TBPL1: variants seen among roughly 807,000 people sequenced by gnomAD.
The protein encoded by TBPL1 is TATA box-binding protein-like 1.
Under a neutral mutation model 22.1 loss-of-function variants are expected in TBPL1, and 4 were observed. The observed-to-expected ratio is 0.18, with a 90% CI of 0.09 to 0.41. TBPL1 has a LOEUF of 0.41. Among genes scored for constraint, TBPL1 ranks in the 10% least tolerant of loss-of-function variants. TBPL1 has a pLI of 1.00. For synonymous variants in TBPL1, 64 were observed against 71.0 expected (o/e 0.90, Z 0.50); for missense variants, 115 against 222.3 (o/e 0.52, Z 3.07).
At chr6:133,986,739 C>T (rs1776532467) in intron 6 of TBPL1, among the ~76,000 whole-genome samples, 1 of 152,136 alleles carries the variant, frequency 6.6e-6, no homozygotes, top group Non-Finnish European at 1.5e-5. Context: ...AAGTGAATAA[C>T]CTCATTTTGT....
chr6:133,961,850 T>C (rs1355103385), intron 1 of TBPL1, among the ~76,000 whole-genome samples: 2 of 152,190 alleles, frequency 1.3e-5, no homozygotes, highest in Non-Finnish European at 2.9e-5. Context: ...TCTCGTTTCC[T>C]TTATAACATA....
At chr6:133,979,688 A>G (rs1238160663) in intron 1 of TBPL1, among the ~76,000 whole-genome samples, 1 of 152,216 alleles carries the variant, frequency 6.6e-6, no homozygotes, top group Non-Finnish European at 1.5e-5. Context: ...ACTCTGTCTC[A>G]CAGGCTGGAA....
intron 2 of TBPL1, among the ~76,000 whole-genome samples, chr6:133,981,063 C>T (rs1260103331): frequency 8.6e-5 from 13 of 150,540 alleles, no homozygotes; most frequent in African/African-American, 3.2e-4. Context: ...ACCTCTGCCT[C>T]CCAGGTTCAA....
At chr6:133,959,986 C>G (rs956324305) in intron 1 of TBPL1, among the ~76,000 whole-genome samples, 1 of 152,138 alleles carries the variant, frequency 6.6e-6, no homozygotes, top group African/African-American at 2.4e-5. Flanking sequence ...CAAGAACCAC[C>G]CCATCCTTTT....
At chr6:133,976,118 G>A (rs953851474) in intron 1 of TBPL1, among the ~76,000 whole-genome samples, 1 of 152,072 alleles carries the variant, frequency 6.6e-6, no homozygotes, top group African/African-American at 2.4e-5. Flanking sequence ...TTGTGTCAAA[G>A]GGCTTGTAGG....
In TBPL1 at chr6:133,989,461, A is replaced by G. The variant is rs1776588648; in HGVS notation, c.*2421A>G. 1 of 152,180 alleles carries G rather than the reference A, an allele frequency of 6.6e-6. No individual in the cohort carries two copies. The highest frequency in any genetic ancestry group is 6.5e-5 in the Admixed American group (1 of 15,272). The allele number at this position is 152,180 out of a possible 1,614,324, so 9.4% of individuals were successfully genotyped here. A position where few individuals can be genotyped will look rare whatever the true frequency, so the allele number is the denominator to read the frequency against. On this transcript the variant is annotated 3_prime_UTR_variant, in exon 7 of 7. Transcript: ENST00000237264. ...TTTATAATGAAGGGCTAAACAAAAA[A>G]TACCTGAAGTATATATAGAGTTTGA...
At chr6:133,986,608 G>C (rs1456764441) in intron 6 of TBPL1, among the ~76,000 whole-genome samples, 1 of 152,204 alleles carries the variant, frequency 6.6e-6, no homozygotes, top group African/African-American at 2.4e-5. Context: ...CCAGAAGCCA[G>C]ATGATAGTGA....
At chr6:133,971,727 G>C (rs1166970864) in intron 1 of TBPL1, among the ~76,000 whole-genome samples, 1 of 152,070 alleles carries the variant, frequency 6.6e-6, no homozygotes, top group East Asian at 1.9e-4. Flanking sequence ...CCATTGGTAT[G>C]TCTTCTTTTG....
At position 133,987,267 on chromosome 6, in the gene TBPL1, A is replaced by G. The variant is rs1776544500; in HGVS notation, c.*227A>G. The stretch of plus-strand genomic sequence containing the variant: ...TGCTGCTTTTACAAAAGGACATTCT[A>G]TTTATTTTCGCAGTAATTCTCATGT... On this transcript the variant is annotated 3_prime_UTR_variant, in exon 7 of 7. Transcript: ENST00000237264. 2 of 332,606 alleles carry G rather than the reference A, an allele frequency of 6.0e-6. No individual in the cohort carries two copies. Among genetic ancestry groups the G allele is most frequent in the Non-Finnish European group, 1.1e-5 (2 of 182,584 alleles). 20.6% of individuals were successfully genotyped at this position (332,606 alleles called of 1,614,324 possible).
chr6:133,983,826 C>T (rs1022378239), intron 4 of TBPL1, among the ~76,000 whole-genome samples: 1 of 152,174 alleles, frequency 6.6e-6, no homozygotes, highest in Non-Finnish European at 1.5e-5. Context: ...CTTAGTGTAA[C>T]ATTAGAAGTG....
At chr6:133,967,516 C>G (rs1043330343) in intron 1 of TBPL1, among the ~76,000 whole-genome samples, 1 of 152,116 alleles carries the variant, frequency 6.6e-6, no homozygotes, top group Non-Finnish European at 1.5e-5. Flanking sequence ...TTTGTCATCA[C>G]GTGAACATCA....
chr6:133,976,199 A>G (rs866414534), intron 1 of TBPL1, among the ~76,000 whole-genome samples: 3 of 152,332 alleles, frequency 2.0e-5, no homozygotes, highest in African/African-American at 7.2e-5. Context: ...AGCCTTGCTA[A>G]CAGTTTTTTT....
chr6:133,977,234 C>T (rs943738765), intron 1 of TBPL1, among the ~76,000 whole-genome samples: 2 of 151,978 alleles, frequency 1.3e-5, no homozygotes, highest in African/African-American at 4.8e-5. Flanking sequence ...TAATTGAAAA[C>T]TTCTTATTAA....
intron 1 of TBPL1, among the ~76,000 whole-genome samples, chr6:133,969,816 G>GT (rs1776187096): frequency 6.6e-6 from 1 of 152,234 alleles, no homozygotes; most frequent in Non-Finnish European, 1.5e-5. Flanking sequence ...TGAAGGGGAA[G>GT]TGGTGAGTTC....
chr6:133,963,756 C>T (rs571784649), intron 1 of TBPL1, among the ~76,000 whole-genome samples: 53 of 151,468 alleles, frequency 3.5e-4, no homozygotes, highest in East Asian at 1.0e-3. Context: ...ACCGGCCTGG[C>T]GCGGTGGCTC....
intron 1 of TBPL1, among the ~76,000 whole-genome samples, chr6:133,978,385 G>A (rs1021227893): frequency 2.0e-5 from 3 of 152,118 alleles, no homozygotes; most frequent in African/African-American, 7.2e-5. Context: ...TACAATATGA[G>A]AACACTGAGA....
intron 1 of TBPL1, among the ~76,000 whole-genome samples, chr6:133,963,182 G>A (rs1776053710): frequency 6.6e-6 from 1 of 152,174 alleles, no homozygotes; most frequent in Non-Finnish European, 1.5e-5. Flanking sequence ...AAGTCTTGAT[G>A]TTCTCTGAAA....
chr6:133,974,038 A>G (rs926991354), intron 1 of TBPL1, among the ~76,000 whole-genome samples: 7 of 151,228 alleles, frequency 4.6e-5, no homozygotes, highest in Non-Finnish European at 1.0e-4. Context: ...TGCTGTGCCA[A>G]TTCTCTGAAT....
chr6:133,957,423 T>A (rs9483634), intron 1 of TBPL1, among the ~76,000 whole-genome samples: 20,512 of 152,164 alleles, frequency 0.13, 1,859 homozygotes, highest in African/African-American at 0.27. Context: ...GTGTAGACAT[T>A]GGCCCATGGT....
Sources: allele counts gnomAD v4.1 joint callset (sites outside exome capture counted in the v4.1 genomes callset), GRCh38; gene constraint gnomAD v4.1.1; transcripts MANE v1.5; gene names NCBI Gene and HGNC (gene_info 2026-07-23, HGNC 2026-07-21).